AK5: variants seen among roughly 807,000 people sequenced by gnomAD.
AK5 encodes the protein adenylate kinase isoenzyme 5.
Under a neutral mutation model 69.5 loss-of-function variants are expected in AK5, and 27 were observed. The ratio of observed to expected loss-of-function variants is 0.39; its 90% CI spans 0.29 to 0.54. AK5 has a LOEUF of 0.54. Among genes scored for constraint, AK5 ranks in the 20% least tolerant of loss-of-function variants. The pLI, the probability that AK5 is intolerant of heterozygous loss-of-function variation, is 0.71. For synonymous variants in AK5, 260 were observed against 244.4 expected, an observed-to-expected ratio of 1.06 and a Z score of -0.60; for missense variants, 531 against 700.4, an observed-to-expected ratio of 0.76 and a Z score of 2.73.
chr1:77,443,807 A>G (rs1436312141), intron 8 of AK5, among the ~76,000 whole-genome samples: 3 of 151,924 alleles, frequency 2.0e-5, no homozygotes, highest in East Asian at 1.9e-4. Flanking sequence ...TATTTTAAGT[A>G]AACTTTATTG....
At chr1:77,531,172 G>A (rs546986467) in intron 12 of AK5, among the ~76,000 whole-genome samples, 2 of 152,200 alleles carry the variant, frequency 1.3e-5, no homozygotes, top group African/African-American at 2.4e-5. Context: ...TGGTGGGTTC[G>A]TGGTCTCGCT....
intron 6 of AK5, among the ~76,000 whole-genome samples, chr1:77,409,559 G>C (rs1649896715): frequency 6.6e-6 from 1 of 151,884 alleles, no homozygotes; most frequent in African/African-American, 2.4e-5. Flanking sequence ...GTCTGTTCAT[G>C]TCCTTTGCCC....
intron 10 of AK5, among the ~76,000 whole-genome samples, chr1:77,515,425 T>C (rs1012430725): frequency 6.6e-6 from 1 of 152,160 alleles, no homozygotes; most frequent in Admixed American, 6.5e-5. Flanking sequence ...GCAGAATGAG[T>C]TGTAAATCCT....
At chr1:77,443,974 G>GA (rs1570139447) in intron 8 of AK5, among the ~76,000 whole-genome samples, 1 of 150,824 alleles carries the variant, frequency 6.6e-6, no homozygotes, top group East Asian at 1.9e-4. Context: ...TACTTATTTA[G>GA]AAAAAATCCT....
intron 6 of AK5, among the ~76,000 whole-genome samples, chr1:77,357,864 T>C (rs1487931030): frequency 6.6e-6 from 1 of 152,234 alleles, no homozygotes; most frequent in Non-Finnish European, 1.5e-5. Flanking sequence ...GGGAGCTGCC[T>C]GAAGGATGAG....
intron 10 of AK5, among the ~76,000 whole-genome samples, chr1:77,506,801 C>T (rs1657057434): frequency 6.6e-6 from 1 of 152,110 alleles, no homozygotes; most frequent in African/African-American, 2.4e-5. Context: ...GAGTTCGAAA[C>T]CAGCCTGGCC....
chr1:77,367,579 A>ATATGTATATAT (rs71075732), intron 6 of AK5, among the ~76,000 whole-genome samples: 8 of 53,364 alleles, frequency 1.5e-4, no homozygotes, highest in African/African-American at 8.5e-4. Context: ...ATATATATAT[A>ATATGTATATAT]ATATATATGT....
At chr1:77,365,937 C>CA (rs1255170321) in intron 6 of AK5, among the ~76,000 whole-genome samples, 2 of 151,906 alleles carry the variant, frequency 1.3e-5, no homozygotes, top group Non-Finnish European at 2.9e-5. Context: ...TGTTTCTTTT[C>CA]AAAAAAACAT....
chr1:77,422,937 T>C (rs554581916), intron 8 of AK5, among the ~76,000 whole-genome samples: 67 of 152,292 alleles, frequency 4.4e-4, no homozygotes, highest in Non-Finnish European at 7.5e-4. Context: ...TACTGTTGGC[T>C]GGGTGCGGTG....
chr1:77,481,224 G>A (rs547205384), intron 8 of AK5, among the ~76,000 whole-genome samples: 5 of 152,302 alleles, frequency 3.3e-5, no homozygotes, highest in Admixed American at 2.0e-4. Flanking sequence ...AGGACATGAC[G>A]GCATGGCCAT....
chr1:77,515,972 A>G (rs181463223), intron 10 of AK5, among the ~76,000 whole-genome samples: 2 of 152,240 alleles, frequency 1.3e-5, no homozygotes, highest in East Asian at 3.9e-4. Context: ...CCAAGGCAAG[A>G]GGATTGCTTC....
Position 77,559,761 on chromosome 1 carries a change from T to C in AK5, c.*1091T>C. The C allele has an allele frequency of 6.6e-6, 1 of 152,242 alleles. No homozygotes were observed. Among genetic ancestry groups the C allele is most frequent in the Non-Finnish European group, 1.5e-5 (1 of 68,020 alleles). 9.4% of individuals were successfully genotyped at this position (152,242 alleles called of 1,614,324 possible). On this transcript the variant is annotated 3_prime_UTR_variant, in exon 14 of 14. Transcript: ENST00000354567. Reference sequence around the variant, plus strand: ...TTTGTGCTATCAATCAGTTGTAAAATCAGAGCTGCTTATATATTCTACTGG... The same window carrying C: ...TTTGTGCTATCAATCAGTTGTAAAACCAGAGCTGCTTATATATTCTACTGG...
At chr1:77,340,272 A>G in intron 5 of AK5, 105 bp from the exon 6 acceptor site, 1 of 1,180,206 alleles carries the variant, frequency 8.5e-7, no homozygotes. Flanking sequence ...ATAGAGGGCC[A>G]AATATATGGC....
intron 1 of AK5, 32 bp downstream of exon 1, chr1:77,282,405 A>C: frequency 6.5e-7 from 1 of 1,533,612 alleles, no homozygotes; most frequent in South Asian, 1.2e-5. Flanking sequence ...GGGCGGTAGC[A>C]TCCGGGGACT....
chr1:77,389,115 G>A (rs1182237194), intron 6 of AK5, among the ~76,000 whole-genome samples: 6 of 152,190 alleles, frequency 3.9e-5, no homozygotes, highest in African/African-American at 1.4e-4. Flanking sequence ...GAATTGGAGG[G>A]GACTGTACTG....
chr1:77,435,288 G>A (rs964397438), intron 8 of AK5, among the ~76,000 whole-genome samples: 4 of 152,132 alleles, frequency 2.6e-5, no homozygotes, highest in African/African-American at 4.8e-5. Context: ...TTTACCTCAA[G>A]AAATGAAATT....
Position 77,331,622 on chromosome 1 carries a change from ATAT to A in AK5, c.700-8749_700-8747del, listed in dbSNP as rs1661091883. ...TTATATATTGACAGATTCATTTGCT[ATAT>A]TATTAGAATTTTTGTGTCTATGTTC... On this transcript the variant is annotated intron_variant, in intron 5 of 13. Transcript: ENST00000354567. Among the ~76,000 whole-genome samples the A allele has an allele frequency of 4.6e-5, 7 of 152,236 alleles. No individual in the cohort carries two copies. The South Asian group carries it at 1.5e-3, about 32-fold the overall frequency.
intron 6 of AK5, among the ~76,000 whole-genome samples, chr1:77,374,308 C>A (rs961074893): frequency 2.0e-5 from 3 of 152,024 alleles, no homozygotes; most frequent in African/African-American, 7.2e-5. Context: ...AGCAAAGTGT[C>A]CAATTAATTC....
At chr1:77,368,291 A>AATATATT (rs1647052724) in intron 6 of AK5, among the ~76,000 whole-genome samples, 1 of 117,504 alleles carries the variant, frequency 8.5e-6, no homozygotes, top group Non-Finnish European at 1.7e-5. Flanking sequence ...TGTTATATAT[A>AATATATT]TGTTATATAT....
Sources: allele counts gnomAD v4.1 joint callset (sites outside exome capture counted in the v4.1 genomes callset), GRCh38; gene constraint gnomAD v4.1.1; transcripts MANE v1.5; gene names NCBI Gene and HGNC (gene_info 2026-07-23, HGNC 2026-07-21).